Variants in SLC24A3 observed in about 807,000 individuals in gnomAD.
The protein encoded by SLC24A3 is solute carrier family 24 member 3, also known as sodium/potassium/calcium exchanger 3.
In SLC24A3, 28 loss-of-function variants were observed where a neutral mutation model predicts 75.8. The observed-to-expected ratio is 0.37, with a 90% CI of 0.27 to 0.51. The LOEUF (loss-of-function observed/expected upper bound fraction) is 0.51, where lower values mean the gene tolerates loss of function less well. SLC24A3 is among the 20% of genes least tolerant of loss of function. The probability of loss-of-function intolerance (pLI) is 0.94; values close to 1 mark genes in which losing one functional copy is unlikely to be tolerated. For synonymous variants in SLC24A3, 372 were observed against 334.1 expected, an observed-to-expected ratio of 1.11 and a Z score of -1.24; for missense variants, 663 against 847.8, an observed-to-expected ratio of 0.78 and a Z score of 2.71.
At chr20:19,624,653 A>G (rs1379670443) in intron 6 of SLC24A3, among the ~76,000 whole-genome samples, 1 of 152,200 alleles carries the variant, frequency 6.6e-6, no homozygotes, top group East Asian at 1.9e-4. Flanking sequence ...TCACATCAGC[A>G]TGCTCAAAAT....
At chr20:19,476,905 G>T (rs1268752852) in intron 2 of SLC24A3, among the ~76,000 whole-genome samples, 2 of 151,922 alleles carry the variant, frequency 1.3e-5, no homozygotes, top group Admixed American at 1.3e-4. Context: ...CTCTCTTCTG[G>T]GCACTATAAG....
At chr20:19,339,570 C>G (rs1428726688) in intron 2 of SLC24A3, among the ~76,000 whole-genome samples, 1 of 152,170 alleles carries the variant, frequency 6.6e-6, no homozygotes, top group African/African-American at 2.4e-5. Context: ...TAAGTAAATG[C>G]TGGAGTTGCA....
At chr20:19,695,973 A>G (rs1374317666) in intron 13 of SLC24A3, among the ~76,000 whole-genome samples, 1 of 151,998 alleles carries the variant, frequency 6.6e-6, no homozygotes, top group Non-Finnish European at 1.5e-5. Context: ...AGGAATAGAG[A>G]AAAGGAAATG....
At chr20:19,362,206 A>G (rs1261873016) in intron 2 of SLC24A3, among the ~76,000 whole-genome samples, 5 of 152,218 alleles carry the variant, frequency 3.3e-5, no homozygotes, top group African/African-American at 9.6e-5. Context: ...GACGCAGGAG[A>G]TGTTATTTTA....
intron 1 of SLC24A3, among the ~76,000 whole-genome samples, chr20:19,271,683 G>A (rs1485196166): frequency 6.6e-6 from 1 of 152,218 alleles, no homozygotes; most frequent in Non-Finnish European, 1.5e-5. Context: ...AATGGCATTT[G>A]CAGCAACCTG....
At chr20:19,339,197 G>A (rs1337291534) in intron 2 of SLC24A3, among the ~76,000 whole-genome samples, 1 of 152,116 alleles carries the variant, frequency 6.6e-6, no homozygotes, top group Non-Finnish European at 1.5e-5. Context: ...GAGTTCATCG[G>A]GCCGAAGCTG....
chr20:19,353,478 G>C (rs1985617006), intron 2 of SLC24A3, among the ~76,000 whole-genome samples: 1 of 152,176 alleles, frequency 6.6e-6, no homozygotes, highest in Non-Finnish European at 1.5e-5. Context: ...TTACATCCTA[G>C]AATTAACTGG....
At chr20:19,416,892 C>A (rs1004721232) in intron 2 of SLC24A3, among the ~76,000 whole-genome samples, 1 of 152,130 alleles carries the variant, frequency 6.6e-6, no homozygotes, top group African/African-American at 2.4e-5. Context: ...TGCCACCAGT[C>A]GTATAGCAAA....
chr20:19,641,218 G>A (rs1028242415), intron 6 of SLC24A3, among the ~76,000 whole-genome samples: 17 of 151,990 alleles, frequency 1.1e-4, no homozygotes, highest in Admixed American at 6.6e-4. Flanking sequence ...AGGAAGCCCT[G>A]GCCTCAAGTT....
Position 19,721,043 on chromosome 20 carries a change from G to A in SLC24A3, c.1838G>A (p.Gly613Glu). 6.2e-7 allele frequency: 1 copy of A among 1,614,080 alleles called. No individual in the cohort carries two copies. The highest frequency in any genetic ancestry group is 8.5e-7 in the Non-Finnish European group (1 of 1,180,020). Reference protein sequence around the residue: ...KWQLDKKLGCGCLLLYGVFLC... With the variant: ...KWQLDKKLGCECLLLYGVFLC... Reference sequence around the variant, plus strand: ...CAGCTGGACAAGAAGCTGGGCTGTGGGTGCCTCCTCCTGTATGGTGTGTTC... The same window carrying A: ...CAGCTGGACAAGAAGCTGGGCTGTGAGTGCCTCCTCCTGTATGGTGTGTTC... Residue 613 changes from glycine (G) to glutamate (E), a missense_variant, in exon 17 of 17, where the codon GGG becomes GAG. By Grantham distance (98) the Gly-to-Glu change is moderately conservative (BLOSUM62 -2). Coordinates refer to ENST00000328041, the MANE Select transcript of SLC24A3 (RefSeq NM_020689.4).
rs576274931 is a variant in SLC24A3 at position 19,430,871 on chromosome 20, C to T, written c.272-84617C>T. Among the ~76,000 whole-genome samples the T allele has an allele frequency of 7.5e-4, 114 of 152,246 alleles. 1 individual carries two copies. In the South Asian group the frequency reaches 0.023, roughly 31 times the overall value. On this transcript the variant is annotated intron_variant, in intron 2 of 16. Coordinates refer to ENST00000328041, the MANE Select transcript of SLC24A3 (RefSeq NM_020689.4). ...ACCTAGGGACACATGCACACACATA[C>T]GCAGACACGGTCACACCCTACTCCA...
At chr20:19,386,080 A>AT (rs1986268247) in intron 2 of SLC24A3, among the ~76,000 whole-genome samples, 1 of 151,892 alleles carries the variant, frequency 6.6e-6, no homozygotes, top group Admixed American at 6.6e-5. Flanking sequence ...TTATGTGTGT[A>AT]TTTTTCATTT....
At chr20:19,260,894 C>T (rs767159785) in intron 1 of SLC24A3, among the ~76,000 whole-genome samples, 4 of 152,174 alleles carry the variant, frequency 2.6e-5, no homozygotes, top group African/African-American at 9.7e-5. Flanking sequence ...TATCATCTGG[C>T]GGTAGACAGC....
intron 6 of SLC24A3, among the ~76,000 whole-genome samples, chr20:19,622,236 T>C (rs2031813455): frequency 1.3e-5 from 2 of 152,098 alleles, no homozygotes; most frequent in Non-Finnish European, 2.9e-5. Flanking sequence ...CTAAGATGTA[T>C]GGAGAAGGAA....
intron 2 of SLC24A3, among the ~76,000 whole-genome samples, chr20:19,311,252 G>C (rs1487026314): frequency 4.6e-5 from 7 of 152,150 alleles, no homozygotes; most frequent in Non-Finnish European, 1.0e-4. Context: ...AAGGCTTCAA[G>C]AGAACCCCAG....
At chr20:19,686,697 T>C (rs2032679923) in intron 12 of SLC24A3, among the ~76,000 whole-genome samples, 1 of 152,128 alleles carries the variant, frequency 6.6e-6, no homozygotes, top group South Asian at 2.1e-4. Flanking sequence ...CTCCTTTCTG[T>C]CCAGAGGACA....
At chr20:19,552,583 G>A (rs949724767) in intron 3 of SLC24A3, among the ~76,000 whole-genome samples, 5 of 152,180 alleles carry the variant, frequency 3.3e-5, no homozygotes. Context: ...TTTGCCAGCT[G>A]GGTCTCTGGG....
At chr20:19,421,490 G>A (rs1457885815) in intron 2 of SLC24A3, among the ~76,000 whole-genome samples, 1 of 152,244 alleles carries the variant, frequency 6.6e-6, no homozygotes, top group Non-Finnish European at 1.5e-5. Context: ...CAAGTTTTGA[G>A]TTTTGAGTTT....
At chr20:19,469,833 A>G (rs917137416) in intron 2 of SLC24A3, among the ~76,000 whole-genome samples, 4 of 152,192 alleles carry the variant, frequency 2.6e-5, no homozygotes, top group African/African-American at 7.2e-5. Context: ...ATATTGGCAA[A>G]GGAAACGGCT....
Sources: allele counts gnomAD v4.1 joint callset (sites outside exome capture counted in the v4.1 genomes callset), GRCh38; gene constraint gnomAD v4.1.1; transcripts MANE v1.5; gene names NCBI Gene and HGNC (gene_info 2026-07-23, HGNC 2026-07-21).